The following MYH14 variants were observed in gnomAD, a reference collection of about 807,000 sequenced individuals.
MYH14 encodes myosin heavy chain 14, also known as myosin-14.
A neutral mutation model predicts 255.5 loss-of-function variants in MYH14; 123 were observed. The ratio of observed to expected loss-of-function variants is 0.48; its 90% CI spans 0.42 to 0.56. The LOEUF (loss-of-function observed/expected upper bound fraction) is 0.56, where lower values mean the gene tolerates loss of function less well. MYH14 is among the 20% of genes least tolerant of loss of function. The pLI is 0.00. For synonymous variants in MYH14, 1,095 were observed against 1,161.2 expected (o/e 0.94, Z 1.16); for missense variants, 2,423 against 2,802.3 (o/e 0.86, Z 3.06).
chr19:50,246,641 C>CA lies in MYH14; in HGVS notation c.1211-360dup, dbSNP rs1283023229. The stretch of plus-strand genomic sequence containing the variant: ...CTGTCTCAAACAAAACAAAACAAAA[C>CA]AAACAAAAAAACCATCAGAACATTC... On this transcript the variant is annotated intron_variant, in intron 11 of 42. Coordinates refer to ENST00000642316, the MANE Select transcript of MYH14 (RefSeq NM_001145809.2). 5.2e-4 allele frequency among the ~76,000 whole-genome samples: 73 copies of CA among 139,508 alleles called. 1 individual carries two copies. The South Asian group carries it at 0.016, about 30-fold the overall frequency. The allele number at this position is 139,508 out of a possible 152,430, so 91.5% of individuals were successfully genotyped here.
At chr19:50,253,567 C>T (rs545926957) in intron 16 of MYH14, among the ~76,000 whole-genome samples, 74 of 152,264 alleles carry the variant, frequency 4.9e-4, no homozygotes, top group African/African-American at 1.7e-3. Context: ...AAGTTCCCTT[C>T]ACGCCCCCAG....
chr19:50,232,318 G>A (rs539183231), intron 10 of MYH14, among the ~76,000 whole-genome samples: 53 of 152,324 alleles, frequency 3.5e-4, no homozygotes, highest in African/African-American at 1.0e-3. Context: ...GCAGCTGGGC[G>A]CAGTGGCTCA....
chr19:50,229,727 G>A (rs1340967431), intron 8 of MYH14, among the ~76,000 whole-genome samples: 1 of 152,180 alleles, frequency 6.6e-6, no homozygotes, highest in Admixed American at 6.5e-5. Flanking sequence ...TTGGGAGGGA[G>A]AGCATGCAGA....
chr19:50,230,018 G>A lies in MYH14; in HGVS notation c.875-507G>A, dbSNP rs544447401. Reference sequence around the variant, plus strand: ...CAACCTCCTCCTCCCGGGTTCAAGCGATTCTCCTGCCTCAGCCTCCCAAGC... The same window carrying A: ...CAACCTCCTCCTCCCGGGTTCAAGCAATTCTCCTGCCTCAGCCTCCCAAGC... On this transcript the variant is annotated intron_variant, in intron 8 of 42. Transcript: ENST00000642316. The surrounding 1 kb of genome is among the most constrained non-coding windows in gnomAD (Gnocchi z 4.7). Among the ~76,000 whole-genome samples the A allele has an allele frequency of 6.6e-6, 1 of 152,238 alleles. No individual in the cohort carries two copies. The highest frequency in any genetic ancestry group is 1.9e-4 in the East Asian group (1 of 5,180).
chr19:50,249,189 G>C (rs780959798), intron 13 of MYH14, 50 bp downstream of exon 13: 1 of 1,507,984 alleles, frequency 6.6e-7, no homozygotes, highest in Admixed American at 2.2e-5. Flanking sequence ...CTCCGGTCCT[G>C]GTCCTTTCTG....
At chr19:50,208,137 G>A (rs574595938) in intron 1 of MYH14, among the ~76,000 whole-genome samples, 1 of 152,172 alleles carries the variant, frequency 6.6e-6, no homozygotes, top group South Asian at 2.1e-4. Context: ...CTATCTGGCC[G>A]GGCATGGTGG....
In MYH14 at chr19:50,210,466, C is replaced by G; in HGVS notation, c.101C>G (p.Pro34Arg). 1 of 1,548,542 alleles carries G rather than the reference C, an allele frequency of 6.5e-7. No homozygotes were observed. Residue 34 changes from proline (P) to arginine (R), a missense_variant, in exon 2 of 43, where the codon CCC becomes CGC. Physicochemically the swap from Pro to Arg is moderately radical, Grantham distance 103. This residue lies in a region of MYH14 where 238 missense variants were observed against 245.8 expected (regional missense o/e 0.97). Coordinates refer to ENST00000642316, the MANE Select transcript of MYH14 (RefSeq NM_001145809.2). ...CCGTTCCTGTTCACGCCCCGCGGGC[C>G]CAGCGCGGGTGGCGGGCCTGGCTCG... ...AQPFLFTPRGPSAGGGPGSGT... is the reference protein window; with the variant it reads ...AQPFLFTPRGRSAGGGPGSGT...
rs773518788 is a variant in MYH14, at chr19:50,301,664, G to C, written c.5473G>C (p.Glu1825Gln). 1.9e-6 allele frequency: 3 copies of C among 1,612,146 alleles called. No individual in the cohort carries two copies. The highest frequency in any genetic ancestry group is 2.5e-6 in the Non-Finnish European group (3 of 1,178,480). Residue 1825 changes from glutamate to glutamine, a missense_variant, in exon 40 of 43, where the codon GAG (glutamate) becomes CAG (glutamine). Coordinates refer to ENST00000642316, the MANE Select transcript of MYH14 (RefSeq NM_001145809.2). ...DRYRKLLLQV[E>Q]SLTTELSAER... ...CTTCCTTCCCCTCCTGCTACAGGTA[G>C]AGTCACTGACCACAGAGCTGTCAGC...
intron 1 of MYH14, among the ~76,000 whole-genome samples, chr19:50,209,786 A>C (rs1309016570): frequency 6.8e-6 from 1 of 147,294 alleles, no homozygotes; most frequent in Non-Finnish European, 1.5e-5. Context: ...TCCATCTCAA[A>C]AAAAAAAAAA....
At chr19:50,212,078 T>A (rs190715857) in intron 2 of MYH14, among the ~76,000 whole-genome samples, 1 of 152,168 alleles carries the variant, frequency 6.6e-6, no homozygotes, top group South Asian at 2.1e-4. Context: ...GTGCTAAGCA[T>A]TGGAGGTTCG....
chr19:50,217,153 G>A (rs1254345727), intron 2 of MYH14, among the ~76,000 whole-genome samples: 1 of 152,152 alleles, frequency 6.6e-6, no homozygotes, highest in Non-Finnish European at 1.5e-5. Flanking sequence ...TCCTCACGCA[G>A]TCCTCAACTC....
In MYH14 at chr19:50,263,302, C is replaced by A. The variant is rs767243012; in HGVS notation, c.2586-10C>A. 2 of 1,522,896 alleles carry A rather than the reference C, an allele frequency of 1.3e-6. No homozygotes were observed. Among genetic ancestry groups the A allele is most frequent in the South Asian group, 2.5e-5 (2 of 79,730 alleles). 94.3% of individuals were successfully genotyped at this position (1,522,896 alleles called of 1,614,324 possible). Reference sequence around the variant, plus strand: ...CTCCCACTCTGCCCCTCACCCATTTCCCCACCCAGGGCCTTCCAGAAGCGC... The same window carrying A: ...CTCCCACTCTGCCCCTCACCCATTTACCCACCCAGGGCCTTCCAGAAGCGC... On this transcript the variant is annotated splice_polypyrimidine_tract_variant and intron_variant, in intron 21 of 42. Coordinates refer to ENST00000642316, the MANE Select transcript of MYH14 (RefSeq NM_001145809.2).
In MYH14 at chr19:50,227,044, C is replaced by A; in HGVS notation, c.874+78C>A. 6 of 1,436,134 alleles carry A rather than the reference C, an allele frequency of 4.2e-6. No homozygotes were observed. The South Asian group carries it at 5.7e-5, about 14-fold the overall frequency. The allele number at this position is 1,436,134 out of a possible 1,614,324, so 89.0% of individuals were successfully genotyped here. A position where few individuals can be genotyped will look rare whatever the true frequency, so the allele number is the denominator to read the frequency against. On this transcript the variant is annotated intron_variant, in intron 8 of 42. Transcript: ENST00000642316. ...CAGCACTGAGTATGGAAAGCACCTC[C>A]CACTGCAGGGACCCCTTACCTGCTA... is the stretch of plus-strand genomic sequence containing the variant.
Position 50,292,336 on chromosome 19 carries a change from G to A in MYH14, c.5203G>A (p.Glu1735Lys). Reference sequence around the variant, plus strand: ...GGAGGAGATCTTCTCCCAGAATCGGGAAAGTGAAAAGCGCCTCAAGGGCCT... The same window carrying A: ...GGAGGAGATCTTCTCCCAGAATCGGAAAAGTGAAAAGCGCCTCAAGGGCCT... ...SREEIFSQNR[E>K]SEKRLKGLEA... is the part of the protein sequence containing the mutation. The change falls in exon 37 of 43, where the codon GAA (glutamate) becomes AAA (lysine). Residue 1735 changes from glutamate to lysine, a missense_variant. By Grantham distance (56) the Glu-to-Lys change is moderately conservative. Coordinates refer to ENST00000642316, the MANE Select transcript of MYH14 (RefSeq NM_001145809.2). 1 of 1,595,912 alleles carries A rather than the reference G, an allele frequency of 6.3e-7. No individual in the cohort carries two copies. The highest frequency in any genetic ancestry group is 8.5e-7 in the Non-Finnish European group (1 of 1,171,818).
rs652103 is a variant in MYH14 at position 50,223,862 on chromosome 19, G to C, written c.694-292G>C. 1 allele frequency among the ~76,000 whole-genome samples: 152,304 copies of C among 152,310 alleles called. 76,149 individuals are homozygous for C. The highest frequency in any genetic ancestry group is 1 in the Middle Eastern group (294 of 294). On this transcript the variant is annotated intron_variant, in intron 5 of 42. Transcript: ENST00000642316. ...GTGGCTCATGCCTGTAATCCCAGCA[G>C]TTTGGGAGGCCGAGGCAGGAGGATC... is the stretch of plus-strand genomic sequence containing the variant.
chr19:50,208,423 A>AAAACAAAC (rs139261539), intron 1 of MYH14, among the ~76,000 whole-genome samples: 1 of 150,222 alleles, frequency 6.7e-6, no homozygotes, highest in African/African-American at 2.5e-5. Flanking sequence ...TCAAAAAACA[A>AAAACAAAC]AAACAAACAA....
chr19:50,286,970 T>C (rs2035912834), intron 34 of MYH14, among the ~76,000 whole-genome samples: 1 of 151,852 alleles, frequency 6.6e-6, no homozygotes, highest in Non-Finnish European at 1.5e-5. Flanking sequence ...ATACAAAAAT[T>C]AGCCAGGCAT....
In MYH14 at chr19:50,266,859, CCT is replaced by C. The variant is rs553820236; in HGVS notation, c.2695-17_2695-16del. On this transcript the variant is annotated splice_polypyrimidine_tract_variant and intron_variant, in intron 22 of 42. Coordinates refer to ENST00000642316, the MANE Select transcript of MYH14 (RefSeq NM_001145809.2). The surrounding 1 kb of genome is among the most constrained non-coding windows in gnomAD (Gnocchi z 4.1). ...GGCGCCTGAAGTCAGCCATTCCACC[CCT>C]TTCACCTCCACCTAGGTGAAGCCAC... 239 of 1,551,628 alleles carry C rather than the reference CCT, an allele frequency of 1.5e-4. No homozygotes were observed. The East Asian group carries it at 5.2e-3, about 34-fold the overall frequency.
At chr19:50,228,625 T>G (rs1480226621) in intron 8 of MYH14, among the ~76,000 whole-genome samples, 1 of 152,190 alleles carries the variant, frequency 6.6e-6, no homozygotes, top group Non-Finnish European at 1.5e-5. Context: ...CTCTTGCCCT[T>G]GGCTCCCACC....
Sources: allele counts gnomAD v4.1 joint callset (sites outside exome capture counted in the v4.1 genomes callset), GRCh38; gene constraint gnomAD v4.1.1; regional missense constraint gnomAD v4.1.1; non-coding constraint Gnocchi (gnomAD v3.1); transcripts MANE v1.5; gene names NCBI Gene and HGNC (gene_info 2026-07-23, HGNC 2026-07-21).